The following FASLG variants were observed in gnomAD, a reference collection of about 807,000 sequenced individuals.
The protein encoded by FASLG is tumor necrosis factor ligand superfamily member 6.
FASLG carries 9 observed loss-of-function variants against 24.6 expected under a neutral mutation model. The observed-to-expected ratio is 0.37, with a 90% CI of 0.22 to 0.64. The LOEUF (loss-of-function observed/expected upper bound fraction) is 0.64, where lower values mean the gene tolerates loss of function less well. FASLG is among the 30% of genes least tolerant of loss of function. The pLI is 0.64. For missense variants in FASLG, 306 were observed against 345.3 expected (o/e 0.89, Z 0.90); for synonymous variants, 130 against 135.5 (o/e 0.96, Z 0.28).
Position 172,665,682 on chromosome 1 carries a change from T to A in FASLG, c.512T>A (p.Leu171His). ...GAAGACACCTATGGAATTGTCCTGC[T>A]TTCTGGAGTGAAGTATAAGAAGGGT... Reference protein sequence around the residue: ...EWEDTYGIVLLSGVKYKKGGL... With the variant: ...EWEDTYGIVLHSGVKYKKGGL... The change falls in exon 4 of 4, where the codon CTT (leucine) becomes CAT (histidine). Residue 171 changes from leucine to histidine, a missense_variant. Transcript: ENST00000367721. 1 of 1,614,222 alleles carries A rather than the reference T, an allele frequency of 6.2e-7. No individual in the cohort carries two copies.
Position 172,666,643 on chromosome 1 carries a change from G to C in FASLG, c.*627G>C, listed in dbSNP as rs919024917. The C allele has an allele frequency of 1.6e-4, 24 of 152,108 alleles. No homozygotes were observed. Among genetic ancestry groups the C allele is most frequent in the African/African-American group, 6.1e-4 (24 of 39,498 alleles). 9.4% of individuals were successfully genotyped at this position (152,108 alleles called of 1,614,324 possible). Reference sequence around the variant, plus strand: ...TGTGTGTGTGTGTGTGTGTGTGTGTGTGTGTATGACTAAAGAGAGAATGTA... The same window carrying C: ...TGTGTGTGTGTGTGTGTGTGTGTGTCTGTGTATGACTAAAGAGAGAATGTA... On this transcript the variant is annotated 3_prime_UTR_variant, in exon 4 of 4. Transcript: ENST00000367721.
At chr1:172,661,759 A>T (rs900869016) in intron 2 of FASLG, among the ~76,000 whole-genome samples, 1 of 152,228 alleles carries the variant, frequency 6.6e-6, no homozygotes, top group Admixed American at 6.5e-5. Flanking sequence ...CATCAAATTA[A>T]TAAAGATTAA....
rs753445258 is a variant in FASLG at position 172,665,925 on chromosome 1, C to T, written c.755C>T (p.Thr252Ile). ...SSYLGAVFNL[T>I]SADHLYVNVS... ...TACCTGGGGGCAGTGTTCAATCTTA[C>T]CAGTGCTGATCATTTATATGTCAAC... The change falls in exon 4 of 4, where the codon ACC becomes ATC. Residue 252 changes from threonine to isoleucine, a missense_variant. Coordinates refer to ENST00000367721, the MANE Select transcript of FASLG (RefSeq NM_000639.3). The T allele has an allele frequency of 4.3e-6, 7 of 1,613,270 alleles. No homozygotes were observed. The highest frequency in any genetic ancestry group is 5.9e-6 in the Non-Finnish European group (7 of 1,179,408).
intron 1 of FASLG, 50 bp from the exon 2 acceptor site, chr1:172,660,045 T>G (rs750918300): frequency 7.0e-6 from 11 of 1,571,978 alleles, no homozygotes; most frequent in Non-Finnish European, 7.9e-6. Context: ...CCTCTTTTGC[T>G]TAAAGAATTT....
In FASLG at chr1:172,664,348, C is replaced by T. The variant is rs757862255; in HGVS notation, c.409C>T (p.Pro137Ser). 2 of 1,613,904 alleles carry T rather than the reference C, an allele frequency of 1.2e-6. No homozygotes were observed. Among genetic ancestry groups the T allele is most frequent in the South Asian group, 1.1e-5 (1 of 91,060 alleles). ...CTATGATACAGGCCACCCCAGTCCA[C>T]CCCCTGAAAAAAAGGAGCTGAGGAA... ...LEKQIGHPSP[P>S]PEKKELRKVA... The change falls in exon 3 of 4, where the codon CCC becomes TCC. Residue 137 changes from proline (P) to serine (S), a missense_variant. Pro to Ser is a moderately conservative substitution (Grantham distance 74). Coordinates refer to ENST00000367721, the MANE Select transcript of FASLG (RefSeq NM_000639.3).
chr1:172,660,792 A>T (rs1659121018), intron 2 of FASLG, among the ~76,000 whole-genome samples: 1 of 152,194 alleles, frequency 6.6e-6, no homozygotes, highest in Admixed American at 6.5e-5. Flanking sequence ...TATGGGAGCT[A>T]GGGCAAGAAG....
At position 172,666,024 on chromosome 1, in the gene FASLG, A is replaced by T; in HGVS notation, c.*8A>T. 1 of 1,614,034 alleles carries T rather than the reference A, an allele frequency of 6.2e-7. No homozygotes were observed. Among genetic ancestry groups the T allele is most frequent in the Non-Finnish European group, 8.5e-7 (1 of 1,179,996 alleles). ...GGCTTATATAAGCTCTAAGAGAAGC[A>T]CTTTGGGATTCTTTCCATTATGATT... On this transcript the variant is annotated 3_prime_UTR_variant, in exon 4 of 4. Coordinates refer to ENST00000367721, the MANE Select transcript of FASLG (RefSeq NM_000639.3).
intron 2 of FASLG, among the ~76,000 whole-genome samples, chr1:172,664,086 A>G (rs1044127484): frequency 5.9e-5 from 9 of 152,206 alleles, no homozygotes; most frequent in Admixed American, 2.6e-4. Flanking sequence ...TATATTAATT[A>G]TGTTTTATTG....
chr1:172,661,542 T>C (rs1301186629), intron 2 of FASLG, among the ~76,000 whole-genome samples: 3 of 152,214 alleles, frequency 2.0e-5, no homozygotes, highest in Non-Finnish European at 4.4e-5. Context: ...TATCTAATTA[T>C]TCATCTTTCA....
In FASLG at chr1:172,665,749, C is replaced by T. The variant is rs374974805; in HGVS notation, c.579C>T (p.Ser193=). The part of the protein sequence containing the change: ...INETGLYFVY[S]KVYFRGQSCN... Reference sequence around the variant, plus strand: ...AAACTGGGCTGTACTTTGTATATTCCAAAGTATACTTCCGGGGTCAATCTT... The same window carrying T: ...AAACTGGGCTGTACTTTGTATATTCTAAAGTATACTTCCGGGGTCAATCTT... The change falls in exon 4 of 4, where the codon TCC becomes TCT. Residue 193 remains serine, a synonymous_variant. Coordinates refer to ENST00000367721, the MANE Select transcript of FASLG (RefSeq NM_000639.3). 8 of 1,613,940 alleles carry T rather than the reference C, an allele frequency of 5.0e-6. No individual in the cohort carries two copies. Among genetic ancestry groups the T allele is most frequent in the East Asian group, 2.2e-5 (1 of 44,876 alleles).
rs1157951261 is a variant in FASLG, at chr1:172,666,748, T to C, written c.*732T>C. On this transcript the variant is annotated 3_prime_UTR_variant, in exon 4 of 4. Transcript: ENST00000367721. ...AATGCTTCCTGACAATCAACTCTAA[T>C]AGTGCTTAAAAATCATTGATTGTCA... The C allele has an allele frequency of 2.6e-5, 4 of 152,884 alleles. No homozygotes were observed. Among genetic ancestry groups the C allele is most frequent in the South Asian group, 2.1e-4 (1 of 4,826 alleles). 9.5% of individuals were successfully genotyped at this position (152,884 alleles called of 1,614,324 possible).
rs967984783 is a variant in FASLG at position 172,666,278 on chromosome 1, A to G, written c.*262A>G. ...GAGGGAGAAGCATGAAAAAGCAGCT[A>G]CCAGGTGTTCTACACTCATCTTAGT... On this transcript the variant is annotated 3_prime_UTR_variant, in exon 4 of 4. Transcript: ENST00000367721. The G allele has an allele frequency of 9.0e-5, 45 of 497,848 alleles. No individual in the cohort carries two copies. The highest frequency in any genetic ancestry group is 7.3e-4 in the African/African-American group (38 of 52,036). 30.8% of individuals were successfully genotyped at this position (497,848 alleles called of 1,614,324 possible).
At chr1:172,662,166 G>C (rs1659156736) in intron 2 of FASLG, among the ~76,000 whole-genome samples, 1 of 152,032 alleles carries the variant, frequency 6.6e-6, no homozygotes, top group Admixed American at 6.6e-5. Context: ...TGTATTGTTA[G>C]ATAAAAAGAC....
At chr1:172,659,686 C>A in intron 1 of FASLG, 137 bp downstream of exon 1, 1 of 1,338,194 alleles carries the variant, frequency 7.5e-7, no homozygotes, top group Non-Finnish European at 9.9e-7. Context: ...TTATTCTATT[C>A]TATAGACAGA....
chr1:172,664,348 C>A lies in FASLG; in HGVS notation c.409C>A (p.Pro137Thr). ...LEKQIGHPSP[P>T]PEKKELRKVA... The stretch of plus-strand genomic sequence containing the variant: ...CTATGATACAGGCCACCCCAGTCCA[C>A]CCCCTGAAAAAAAGGAGCTGAGGAA... The change falls in exon 3 of 4, where the codon CCC becomes ACC. Residue 137 changes from proline to threonine, a missense_variant. Physicochemically the swap from Pro to Thr is conservative, Grantham distance 38. Transcript: ENST00000367721. 6.2e-7 allele frequency: 1 copy of A among 1,613,904 alleles called. No homozygotes were observed. Among genetic ancestry groups the A allele is most frequent in the Non-Finnish European group, 8.5e-7 (1 of 1,179,890 alleles).
In FASLG at chr1:172,659,191, C is replaced by A; in HGVS notation, c.-11C>A. On this transcript the variant is annotated 5_prime_UTR_variant, in exon 1 of 4. Coordinates refer to ENST00000367721, the MANE Select transcript of FASLG (RefSeq NM_000639.3). ...ACCGTTTGCTGGGGCTGGCCTGACT[C>A]ACCAGCTGCCATGCAGCAGCCCTTC... 1 of 1,614,184 alleles carries A rather than the reference C, an allele frequency of 6.2e-7. No homozygotes were observed. Among genetic ancestry groups the A allele is most frequent in the East Asian group, 2.2e-5 (1 of 44,884 alleles).
At chr1:172,664,867 T>C (rs1028802084) in intron 3 of FASLG, among the ~76,000 whole-genome samples, 2 of 152,142 alleles carry the variant, frequency 1.3e-5, no homozygotes, top group Non-Finnish European at 2.9e-5. Flanking sequence ...TGGAGTGAAA[T>C]GATATGGTAT....
chr1:172,661,126 C>T (rs1659128441), intron 2 of FASLG, among the ~76,000 whole-genome samples: 1 of 152,110 alleles, frequency 6.6e-6, no homozygotes, highest in South Asian at 2.1e-4. Context: ...GGACTGGTGC[C>T]TCATGAAGGA....
intron 2 of FASLG, among the ~76,000 whole-genome samples, chr1:172,662,870 T>C (rs1659173016): frequency 1.3e-5 from 2 of 152,204 alleles, no homozygotes; most frequent in Non-Finnish European, 2.9e-5. Flanking sequence ...GGTGCGTGGC[T>C]GAGTGCCAGA....
Sources: allele counts gnomAD v4.1 joint callset (sites outside exome capture counted in the v4.1 genomes callset), GRCh38; gene constraint gnomAD v4.1.1; transcripts MANE v1.5; gene names NCBI Gene and HGNC (gene_info 2026-07-23, HGNC 2026-07-21).